The following IBTK variants were observed in gnomAD, a reference collection of about 807,000 sequenced individuals.
IBTK encodes BTK-binding protein.
Under a neutral mutation model 154.9 loss-of-function variants are expected in IBTK, and 83 were observed. The ratio of observed to expected loss-of-function variants is 0.54; its 90% confidence interval spans 0.45 to 0.64. The LOEUF (loss-of-function observed/expected upper bound fraction) is 0.64, where lower values mean the gene tolerates loss of function less well. IBTK is among the 30% of genes least tolerant of loss of function. The pLI is 0.00. For synonymous variants in IBTK, 515 were observed against 536.1 expected (o/e 0.96, Z 0.54); for missense variants, 1,332 against 1,584.6 (o/e 0.84, Z 2.71).
chr6:82,243,473 CAT>C (rs1195967611), intron 1 of IBTK, among the ~76,000 whole-genome samples: 2 of 152,160 alleles, frequency 1.3e-5, no homozygotes, highest in Non-Finnish European at 2.9e-5. Context: ...GATGAAATCT[CAT>C]AGTGTCCCAC....
intron 16 of IBTK, chr6:82,205,974 G>C (rs1340746567): frequency 1.3e-5 from 2 of 152,088 alleles, no homozygotes; most frequent in Non-Finnish European, 2.9e-5. Context: ...AGGAATGACA[G>C]ACTAAGAGCT....
At chr6:82,192,773 G>T (rs1293428442) in intron 23 of IBTK, among the ~76,000 whole-genome samples, 1 of 143,058 alleles carries the variant, frequency 7.0e-6, no homozygotes, top group Admixed American at 7.1e-5. Flanking sequence ...AGAAATAGAT[G>T]ATTTTCGACC....
In IBTK at chr6:82,212,713, T is replaced by C. The variant is rs1769698678; in HGVS notation, c.2285A>G (p.Lys762Arg). Residue 762 changes from lysine (K) to arginine (R), a missense_variant, in exon 13 of 29, where the codon AAA becomes AGA. Lys to Arg is a conservative substitution (Grantham distance 26). Around this residue, in one of 3 missense-constraint regions of IBTK, gnomAD observed 1,134 missense variants for 1,274.7 expected, o/e 0.89. Transcript: ENST00000306270. The part of the protein sequence containing the change: ...NTGNKLKLSQ[K>R]KCSFLCDVTM... ...TCTTCCTTTCCTTACTTACCATTTT[T>C]TCTGACTTAGCTTCAGTTTATTACC... The C allele has an allele frequency of 6.3e-7, 1 of 1,581,810 alleles. No homozygotes were observed.
At chr6:82,196,247 T>C (rs1377893126) in intron 22 of IBTK, 51 bp downstream of exon 22, 5 of 1,387,820 alleles carry the variant, frequency 3.6e-6, no homozygotes, top group Non-Finnish European at 4.8e-6. Flanking sequence ...AGATAAACCA[T>C]CTATAAATCT....
At chr6:82,195,676 G>A (rs896540213) in intron 22 of IBTK, among the ~76,000 whole-genome samples, 21 of 152,092 alleles carry the variant, frequency 1.4e-4, no homozygotes, top group African/African-American at 4.8e-4. Flanking sequence ...GTTCCGATAC[G>A]TTTTGTGGAT....
chr6:82,198,839 A>C (rs1448669007), intron 21 of IBTK, among the ~76,000 whole-genome samples: 1 of 152,176 alleles, frequency 6.6e-6, no homozygotes, highest in South Asian at 2.1e-4. Context: ...GATCAGATGA[A>C]TCTAGAATGT....
At chr6:82,241,527 G>A (rs965104324) in intron 1 of IBTK, among the ~76,000 whole-genome samples, 1 of 151,120 alleles carries the variant, frequency 6.6e-6, no homozygotes, top group Non-Finnish European at 1.5e-5. Context: ...TTTAGATACG[G>A]TACTTACTTT....
chr6:82,246,946 A>G (rs1219376815), intron 1 of IBTK, among the ~76,000 whole-genome samples: 48 of 152,134 alleles, frequency 3.2e-4, no homozygotes, highest in Non-Finnish European at 1.5e-5. Context: ...TACGTTGGAA[A>G]ACAGGAGTCA....
intron 4 of IBTK, among the ~76,000 whole-genome samples, chr6:82,229,263 G>T (rs1398977096): frequency 3.3e-5 from 5 of 152,040 alleles, no homozygotes; most frequent in African/African-American, 1.2e-4. Context: ...TGCCTTACCT[G>T]AAATGTGGCT....
At chr6:82,197,459 C>T (rs1562082249) in intron 21 of IBTK, among the ~76,000 whole-genome samples, 1 of 150,274 alleles carries the variant, frequency 6.7e-6, no homozygotes, top group Non-Finnish European at 1.5e-5. Flanking sequence ...CAACCTCCAC[C>T]TCCAGGTTCA....
At chr6:82,180,435 T>A (rs1035581994) in intron 26 of IBTK, among the ~76,000 whole-genome samples, 1 of 152,078 alleles carries the variant, frequency 6.6e-6, no homozygotes, top group Admixed American at 6.6e-5. Flanking sequence ...CTATTTTTTG[T>A]AGAGACAGGG....
chr6:82,172,329 T>A, intron 28 of IBTK, 51 bp downstream of exon 28: 3 of 1,550,048 alleles, frequency 1.9e-6, no homozygotes, highest in Non-Finnish European at 2.6e-6. Context: ...AAAACCTAAG[T>A]AGGAAATGTA....
intron 26 of IBTK, among the ~76,000 whole-genome samples, chr6:82,177,907 A>G (rs983184436): frequency 6.6e-6 from 1 of 152,126 alleles, no homozygotes; most frequent in African/African-American, 2.4e-5. Flanking sequence ...GTATATTAAT[A>G]TTTATCAACT....
chr6:82,237,661 G>GTAGTA (rs1554188041), intron 2 of IBTK, among the ~76,000 whole-genome samples: 49,686 of 143,460 alleles, frequency 0.35, 8,788 homozygotes, highest in East Asian at 0.58. Context: ...AGATAGTAGT[G>GTAGTA]GTAGTAGTAG....
chr6:82,238,041 C>T (rs755905151), intron 2 of IBTK, among the ~76,000 whole-genome samples: 1 of 151,944 alleles, frequency 6.6e-6, no homozygotes, highest in Non-Finnish European at 1.5e-5. Flanking sequence ...ATCAGGAGTT[C>T]AAGACCAGCC....
chr6:82,214,378 C>T lies in IBTK; in HGVS notation c.2053G>A (p.Val685Ile). The change falls in exon 12 of 29, where the codon GTT becomes ATT. Residue 685 changes from valine to isoleucine, a missense_variant. Val to Ile is a conservative substitution (Grantham distance 29). Coordinates refer to ENST00000306270, the MANE Select transcript of IBTK (RefSeq NM_015525.4). ...GTTTGAGCTTGATTACTTTTGTAAA[C>T]TTCAAATGCAGACTTCTGGTTATCA... ...EDDNQKSAFEVYKSNQAQTVS... is the reference protein window; with the variant it reads ...EDDNQKSAFEIYKSNQAQTVS... The T allele has an allele frequency of 6.2e-7, 1 of 1,614,064 alleles. No individual in the cohort carries two copies. Among genetic ancestry groups the T allele is most frequent in the Non-Finnish European group, 8.5e-7 (1 of 1,180,002 alleles).
intron 2 of IBTK, among the ~76,000 whole-genome samples, chr6:82,234,896 T>G (rs898301585): frequency 3.3e-5 from 5 of 152,108 alleles, no homozygotes; most frequent in Non-Finnish European, 5.9e-5. Flanking sequence ...ATCTCGCCTT[T>G]GTCGCCCAGG....
chr6:82,217,813 T>G (rs551411278), intron 10 of IBTK, 147 bp downstream of exon 10: 3 of 501,720 alleles, frequency 6.0e-6, no homozygotes, highest in South Asian at 6.4e-5. Flanking sequence ...CCTTACACTC[T>G]AATAGGAAAC....
Position 82,176,313 on chromosome 6 carries a change from G to A in IBTK, c.3726-2875C>T, listed in dbSNP as rs560201132. 2.6e-5 allele frequency among the ~76,000 whole-genome samples: 4 copies of A among 152,110 alleles called. No individual in the cohort carries two copies. In the South Asian group the frequency reaches 8.3e-4, roughly 32 times the overall value. ...CTGTGGGCAGATCACCTGAGGTCAG[G>A]AGTTCGAGACTAGCCTGGCCAACAT... On this transcript the variant is annotated intron_variant, in intron 26 of 28. Coordinates refer to ENST00000306270, the MANE Select transcript of IBTK (RefSeq NM_015525.4).
Sources: allele counts gnomAD v4.1 joint callset (sites outside exome capture counted in the v4.1 genomes callset), GRCh38; gene constraint gnomAD v4.1.1; regional missense constraint gnomAD v4.1.1; transcripts MANE v1.5; gene names NCBI Gene and HGNC (gene_info 2026-07-23, HGNC 2026-07-21).